The following EVPL variants were observed in gnomAD, a reference collection of about 807,000 sequenced individuals.
EVPL encodes 210 kDa cornified envelope precursor protein.
Under a neutral mutation model 129.7 loss-of-function variants are expected in EVPL, and 94 were observed. The ratio of observed to expected loss-of-function variants is 0.72; its 90% CI spans 0.61 to 0.86. The LOEUF is 0.86. Among genes scored for constraint, EVPL ranks in the 40% least tolerant of loss-of-function variants. EVPL has a pLI of 0.00. For missense variants in EVPL, 2,625 were observed against 2,721.1 expected (o/e 0.96, Z 0.79); for synonymous variants, 1,172 against 1,191.1 (o/e 0.98, Z 0.33).
In EVPL at chr17:76,007,982, G is replaced by T; in HGVS notation, c.5223C>A (p.Arg1741=). 1.2e-6 allele frequency: 2 copies of T among 1,614,114 alleles called. No individual in the cohort carries two copies. Among genetic ancestry groups the T allele is most frequent in the Non-Finnish European group, 1.7e-6 (2 of 1,180,028 alleles). Residue 1741 remains arginine (R), a synonymous_variant, in exon 22 of 22, where the codon CGC becomes CGA. Coordinates refer to ENST00000301607, the MANE Select transcript of EVPL (RefSeq NM_001988.4). This position sits in a 1 kb window ranked among gnomAD's most constrained non-coding sequence, Gnocchi z 8.8. ...CGATGGAGTACTGCTTCCCGCTCTT[G>T]CGGTCCAGGAGCACAGACTCCTCCC... ...PCGEESVLLD[R]KSGKQYSIEA... is the part of the protein sequence containing the mutation.
rs559520486 is a variant in EVPL, at chr17:76,015,086, T to C, written c.2052A>G (p.Glu684=). The C allele has an allele frequency of 3.2e-6, 5 of 1,576,468 alleles. No homozygotes were observed. In the East Asian group the frequency reaches 9.1e-5, roughly 29 times the overall value. The part of the protein sequence containing the change: ...ELQRQRRELL[E]QQTCVLRLHR... ...GTAGCCGCAGCACGCAGGTCTGCTGTTCCAGCAGCTCCCTCCGCTGGCGCT... is the reference window on the plus strand; with the variant it reads ...GTAGCCGCAGCACGCAGGTCTGCTGCTCCAGCAGCTCCCTCCGCTGGCGCT... Residue 684 remains glutamate (E), a synonymous_variant, in exon 17 of 22, where the codon GAA becomes GAG. Coordinates refer to ENST00000301607, the MANE Select transcript of EVPL (RefSeq NM_001988.4).
In EVPL at chr17:76,019,562, G is replaced by C; in HGVS notation, c.1103C>G (p.Pro368Arg). ...AKYSPAPGGPPGAPTELLQQL... is the reference protein window; with the variant it reads ...AKYSPAPGGPRGAPTELLQQL... ...TTGCAGCAGCTCTGTGGGGGCGCCA[G>C]GGGGGCCCCCAGGTGCAGGGCTGTA... is the stretch of plus-strand genomic sequence containing the variant. The change falls in exon 10 of 22, where the codon CCT (proline) becomes CGT (arginine). Residue 368 changes from proline (P) to arginine (R), a missense_variant. By Grantham distance (103) the Pro-to-Arg change is moderately radical (BLOSUM62 -2). Coordinates refer to ENST00000301607, the MANE Select transcript of EVPL (RefSeq NM_001988.4). The C allele has an allele frequency of 1.9e-6, 3 of 1,571,166 alleles. No individual in the cohort carries two copies. The highest frequency in any genetic ancestry group is 2.6e-6 in the Non-Finnish European group (3 of 1,163,274).
intron 14 of EVPL, 114 bp from the exon 15 acceptor site, chr17:76,015,742 T>A: frequency 8.8e-7 from 1 of 1,136,562 alleles, no homozygotes; most frequent in Non-Finnish European, 1.2e-6. Context: ...GGTACATGCT[T>A]GGGCTCAGGC....
intron 2 of EVPL, 128 bp from the exon 3 acceptor site, chr17:76,023,782 G>A: frequency 7.1e-7 from 1 of 1,417,160 alleles, no homozygotes; most frequent in African/African-American, 1.4e-5. Context: ...CCCACGCCAG[G>A]CACAGGGTCA....
rs1372241305 is a variant in EVPL, at chr17:76,019,079, G to A, written c.1138-19C>T. 4.5e-6 allele frequency: 7 copies of A among 1,566,802 alleles called. No homozygotes were observed. The highest frequency in any genetic ancestry group is 1.2e-5 in the South Asian group (1 of 86,242). ...CCTCTGCCTGCCGGGGGCCCAGGCAGTGGGGGACTCAGGCCAGGCTGCATT... is the reference window on the plus strand; with the variant it reads ...CCTCTGCCTGCCGGGGGCCCAGGCAATGGGGGACTCAGGCCAGGCTGCATT... On this transcript the variant is annotated intron_variant, in intron 10 of 21. Transcript: ENST00000301607.
At chr17:76,017,945 C>T (rs1281957518) in intron 13 of EVPL, 34 bp from the exon 14 acceptor site, 7 of 1,610,440 alleles carry the variant, frequency 4.3e-6, no homozygotes, top group Non-Finnish European at 5.9e-6. Flanking sequence ...GGCCCAGGGC[C>T]TATCTCCAGA....
chr17:76,007,123 C>A lies in EVPL; in HGVS notation c.6082G>T (p.Val2028Phe). ...YRCYRSASPT[V>F]PRSLR ...CCGTGTCAGCGAAGGGAGCGCGGGA[C>A]GGTGGGGGAGGCGGAGCGGTAGCAG... is the stretch of plus-strand genomic sequence containing the variant. Residue 2028 changes from valine (V) to phenylalanine (F), a missense_variant, in exon 22 of 22, where the codon GTC (valine) becomes TTC (phenylalanine). Physicochemically the swap from Val to Phe is conservative, Grantham distance 50. Coordinates refer to ENST00000301607, the MANE Select transcript of EVPL (RefSeq NM_001988.4). The surrounding 1 kb of genome is among the most constrained non-coding windows in gnomAD (Gnocchi z 8.8). The A allele has an allele frequency of 6.7e-7, 1 of 1,485,932 alleles. No homozygotes were observed. The highest frequency in any genetic ancestry group is 1.4e-5 in the South Asian group (1 of 70,376). 92.0% of individuals were successfully genotyped at this position (1,485,932 alleles called of 1,614,324 possible).
intron 1 of EVPL, among the ~76,000 whole-genome samples, chr17:76,026,507 G>T (rs557212169): frequency 6.6e-6 from 1 of 152,150 alleles, no homozygotes; most frequent in African/African-American, 2.4e-5. Flanking sequence ...GAGCCACGGC[G>T]CCCGGCCATG....
At chr17:76,012,954 C>T (rs1567910192) in intron 18 of EVPL, among the ~76,000 whole-genome samples, 1 of 151,658 alleles carries the variant, frequency 6.6e-6, no homozygotes, top group Non-Finnish European at 1.5e-5. Context: ...CCGTGTTAGC[C>T]AGGATGGTCT....
chr17:76,011,918 A>C (rs1447947368), intron 19 of EVPL, 36 bp from the exon 20 acceptor site: 1 of 1,607,480 alleles, frequency 6.2e-7, no homozygotes, highest in African/African-American at 1.3e-5. Flanking sequence ...GCTGGCAACC[A>C]GTGGGGGAGG....
In EVPL at chr17:76,026,972, G is replaced by A. The variant is rs2066502307; in HGVS notation, c.98+129C>T. On this transcript the variant is annotated intron_variant, in intron 1 of 21. Transcript: ENST00000301607. Reference sequence around the variant, plus strand: ...CCATCCCTGGGCCCTTTGGCCTCAGGACACCAAATGCCAGCACGGGGCTGG... The same window carrying A: ...CCATCCCTGGGCCCTTTGGCCTCAGAACACCAAATGCCAGCACGGGGCTGG... 1.7e-5 allele frequency: 10 copies of A among 582,776 alleles called. No homozygotes were observed. The South Asian group carries it at 2.5e-4, about 15-fold the overall frequency. The allele number at this position is 582,776 out of a possible 1,614,324, so 36.1% of individuals were successfully genotyped here.
rs533658673 is a variant in EVPL, at chr17:76,017,783, G to A, written c.1666C>T (p.Pro556Ser). Residue 556 changes from proline to serine, a missense_variant, in exon 14 of 22, where the codon CCC (proline) becomes TCC (serine). Pro to Ser is a moderately conservative substitution (Grantham distance 74). This residue lies in a region of EVPL where 1,024 missense variants were observed against 997.5 expected (regional missense o/e 1.03). Coordinates refer to ENST00000301607, the MANE Select transcript of EVPL (RefSeq NM_001988.4). ...CCCTCCAAGTCCTCCAAGGGTGTGG[G>A]GCGGCTCAGCGGGGCCCGCGCCCAG... is the stretch of plus-strand genomic sequence containing the variant. ...LAWARAPLSRPTPLEDLEGRI... is the reference protein window; with the variant it reads ...LAWARAPLSRSTPLEDLEGRI... 2.5e-5 allele frequency: 40 copies of A among 1,613,186 alleles called. No individual in the cohort carries two copies. The highest frequency in any genetic ancestry group is 1.6e-4 in the East Asian group (7 of 44,872).
At position 76,007,886 on chromosome 17, in the gene EVPL, G is replaced by C. The variant is rs781480418; in HGVS notation, c.5319C>G (p.Ile1773Met). ...CAGCTACAAGCAGCGCAAACTCGGA[G>C]ATGGGCAGGTGGCCGTCCTTGTACA... ...YHLYKDGHLP[I>M]SEFALLVAGE... Residue 1773 changes from isoleucine (I) to methionine (M), a missense_variant, in exon 22 of 22, where the codon ATC becomes ATG. Around this residue, in one of 4 missense-constraint regions of EVPL, gnomAD observed 1,453 missense variants for 1,511.8 expected, o/e 0.96. Coordinates refer to ENST00000301607, the MANE Select transcript of EVPL (RefSeq NM_001988.4). The surrounding 1 kb of genome is among the most constrained non-coding windows in gnomAD (Gnocchi z 8.8). The C allele has an allele frequency of 3.1e-6, 5 of 1,614,044 alleles. No homozygotes were observed. The East Asian group carries it at 1.1e-4, about 36-fold the overall frequency.
intron 14 of EVPL, among the ~76,000 whole-genome samples, chr17:76,016,298 C>T (rs753869919): frequency 1.3e-5 from 2 of 152,236 alleles, no homozygotes; most frequent in South Asian, 2.1e-4. Context: ...CTGGCCCTGT[C>T]GCTCCAGCCA....
At chr17:76,010,777 AG>A (rs2066371303) in intron 21 of EVPL, among the ~76,000 whole-genome samples, 2 of 152,174 alleles carry the variant, frequency 1.3e-5, no homozygotes, top group Non-Finnish European at 2.9e-5. Flanking sequence ...AGTGCAAGTA[AG>A]GGCCAGGTGC....
chr17:76,022,076 G>T lies in EVPL; in HGVS notation c.646-48C>A, dbSNP rs373862524. The stretch of plus-strand genomic sequence containing the variant: ...GCAGCAGGGTGGGGAGACAGAAAGT[G>T]GGGGGCAAAAGGCGCCATTGGGCCG... On this transcript the variant is annotated intron_variant, in intron 6 of 21. Coordinates refer to ENST00000301607, the MANE Select transcript of EVPL (RefSeq NM_001988.4). The surrounding 1 kb of genome is among the most constrained non-coding windows in gnomAD (Gnocchi z 5.6). 5 of 1,563,820 alleles carry T rather than the reference G, an allele frequency of 3.2e-6. No individual in the cohort carries two copies. Among genetic ancestry groups the T allele is most frequent in the East Asian group, 2.3e-5 (1 of 43,740 alleles).
chr17:76,018,790 A>G, intron 11 of EVPL, 124 bp downstream of exon 11: 1 of 1,262,734 alleles, frequency 7.9e-7, no homozygotes, highest in East Asian at 2.7e-5. Context: ...AGTCAAGGGA[A>G]GGAGTAGGGC....
Position 76,027,272 on chromosome 17 carries a change from CG to C in EVPL, c.-75del. The C allele has an allele frequency of 9.3e-7, 1 of 1,079,766 alleles. No individual in the cohort carries two copies. The highest frequency in any genetic ancestry group is 2.4e-5 in the East Asian group (1 of 41,296). 66.9% of individuals were successfully genotyped at this position (1,079,766 alleles called of 1,614,324 possible). Reference sequence around the variant, plus strand: ...CGGCAGGAGGGCAGGTGGGAGGCAGCGGGCGTCCTCACTGGCTGGTCAGCTA... The same window carrying C: ...CGGCAGGAGGGCAGGTGGGAGGCAGCGGCGTCCTCACTGGCTGGTCAGCTA... On this transcript the variant is annotated 5_prime_UTR_variant, in exon 1 of 22. Transcript: ENST00000301607.
chr17:76,026,874 C>T, intron 1 of EVPL, among the ~76,000 whole-genome samples: 1 of 152,258 alleles, frequency 6.6e-6, no homozygotes, highest in East Asian at 1.9e-4. Flanking sequence ...GTAGGGAGCC[C>T]CAGGTCATCC....
Sources: gnomAD v4.1 joint callset for allele counts (sites outside exome capture counted in the v4.1 genomes callset) on GRCh38, gnomAD v4.1.1 for gene constraint, gnomAD v4.1.1 regional missense constraint, Gnocchi (gnomAD v3.1) non-coding constraint, MANE v1.5 for transcripts, NCBI Gene and HGNC (gene_info 2026-07-23, HGNC 2026-07-21) for gene names.